Variants in PLP1 observed in about 807,000 individuals in gnomAD.
The protein encoded by PLP1 is myelin proteolipid protein.
A neutral mutation model predicts 18.5 loss-of-function variants in PLP1; 2 were observed. That is an observed-to-expected ratio of 0.11 (90% CI 0.04 to 0.34). The LOEUF is 0.34. PLP1 is among the 10% of genes least tolerant of loss of function. The pLI is 1.00. For synonymous variants in PLP1, 86 were observed against 83.2 expected (o/e 1.03, Z -0.19); for missense variants, 105 against 207.3 (o/e 0.51, Z 3.03).
At chrX:103,777,330 G>A (rs763449532) in intron 1 of PLP1, among the ~76,000 whole-genome samples, 26 of 111,310 alleles carry the variant, frequency 2.3e-4, no homozygotes, top group Non-Finnish European at 4.1e-4. Context: ...CCCTGGCAAC[G>A]GTTGGGTCAG....
At chrX:103,778,046 T>C (rs1326827892) in intron 1 of PLP1, among the ~76,000 whole-genome samples, 1 of 111,954 alleles carries the variant, frequency 8.9e-6, no homozygotes, top group Non-Finnish European at 1.9e-5. Flanking sequence ...CTTTGAAGCA[T>C]GTGTTCAGGT....
chrX:103,781,136 C>T (rs2074450335), intron 1 of PLP1: 1 of 232,043 alleles, frequency 4.3e-6, no homozygotes, highest in Admixed American at 4.9e-5. Context: ...AAAGCCCTTC[C>T]TCTCCTTCCT....
At chrX:103,787,522 T>C in intron 3 of PLP1, 1 of 417,189 alleles carries the variant, frequency 2.4e-6, no homozygotes, top group Non-Finnish European at 4.2e-6. Flanking sequence ...ACACCTTATC[T>C]GCCCAAAAAC....
At chrX:103,788,813 C>T (rs866753387) in intron 5 of PLP1, 7 of 341,830 alleles carry the variant, frequency 2.0e-5, no homozygotes, top group African/African-American at 1.3e-4. Flanking sequence ...AATTTTCATT[C>T]CTTTAGTTAA....
intron 6 of PLP1, 32 bp from the exon 7 acceptor site, chrX:103,790,495 C>G: frequency 9.3e-7 from 1 of 1,080,050 alleles, no homozygotes; most frequent in Non-Finnish European, 1.3e-6. Context: ...CTTTTCTACT[C>G]TCATTCACAT....
rs772313778 is a variant in PLP1, at chrX:103,785,543, A to C, written c.5-39A>C. 4 of 1,140,832 alleles carry C rather than the reference A, an allele frequency of 3.5e-6. No homozygotes were observed. The Admixed American group carries it at 6.5e-5, about 19-fold the overall frequency. 94.0% of individuals were successfully genotyped at this position (1,140,832 alleles called of 1,213,427 possible). On this transcript the variant is annotated intron_variant, in intron 1 of 6. Transcript: ENST00000621218. ...GGGGTTTGAGTGGCATGAGCTACCT[A>C]CTGGATGTGCCTGACTGTTTCCCCT...
chrX:103,784,754 C>A (rs2074480678), intron 1 of PLP1, among the ~76,000 whole-genome samples: 1 of 112,165 alleles, frequency 8.9e-6, no homozygotes, highest in South Asian at 3.7e-4. Flanking sequence ...TACTTGGCTG[C>A]CTGAATTGTT....
rs1053245384 is a variant in PLP1 at position 103,790,791 on chromosome X, T to C, written c.*193T>C. ...ACTCTCCCCTCTTATGTACCTCTTT[T>C]AGTCATTTTGCTTCATAGCTGGTTC... On this transcript the variant is annotated 3_prime_UTR_variant, in exon 7 of 7. Coordinates refer to ENST00000621218, the MANE Select transcript of PLP1 (RefSeq NM_000533.5). The C allele has an allele frequency of 1.3e-4, 61 of 454,296 alleles. No individual in the cohort carries two copies. The African/African-American group carries it at 1.4e-3, about 10-fold the overall frequency. 37.4% of individuals were successfully genotyped at this position (454,296 alleles called of 1,213,427 possible). A position where few individuals can be genotyped will look rare whatever the true frequency, so the allele number is the denominator to read the frequency against.
chrX:103,776,761 A>G (rs112198561), upstream of PLP1: 4 of 293,579 alleles, frequency 1.4e-5, no homozygotes, highest in African/African-American at 2.2e-4. Context: ...GGTGGGGAAA[A>G]GGGGAGGAGA....
intron 2 of PLP1, 176 bp downstream of exon 2, chrX:103,785,944 A>G: frequency 2.8e-6 from 2 of 709,265 alleles, no homozygotes; most frequent in Admixed American, 3.0e-5. Flanking sequence ...CCCATTCAGA[A>G]AGGAGGGGTC....
Position 103,789,390 on chromosome X carries a change from G to C in PLP1, c.754G>C (p.Val252Leu), listed in dbSNP as rs1468522729. ...AAFVGAAATL[V>L]SLLTFMIAAT... is the part of the protein sequence containing the mutation. ...ATTTGTGGGGGCTGCAGCTACACTG[G>C]TTTCCCTGGTGAGTTGACTTTGAAT... The change falls in exon 6 of 7, where the codon GTT becomes CTT. Residue 252 changes from valine to leucine, a missense_variant. Transcript: ENST00000621218. The C allele has an allele frequency of 1.7e-6, 2 of 1,200,127 alleles. No homozygotes were observed. Among genetic ancestry groups the C allele is most frequent in the Admixed American group, 2.2e-5 (1 of 46,029 alleles).
rs973903346 is a variant in PLP1 at position 103,786,591 on chromosome X, C to T, written c.318C>T (p.Thr106=). 2.5e-6 allele frequency: 3 copies of T among 1,211,712 alleles called. No homozygotes were observed. Among genetic ancestry groups the T allele is most frequent in the Non-Finnish European group, 3.4e-6 (3 of 895,456 alleles). Residue 106 remains threonine (T), a synonymous_variant, in exon 3 of 7, where the codon ACC becomes ACT. Coordinates refer to ENST00000621218, the MANE Select transcript of PLP1 (RefSeq NM_000533.5). ...AVRQIFGDYK[T]TICGKGLSAT... is the part of the protein sequence containing the mutation. Reference sequence around the variant, plus strand: ...GGCAGATCTTTGGCGACTACAAGACCACCATCTGCGGCAAGGGCCTGAGCG... The same window carrying T: ...GGCAGATCTTTGGCGACTACAAGACTACCATCTGCGGCAAGGGCCTGAGCG...
At position 103,776,858 on chromosome X, in the gene PLP1, GA is replaced by G. The variant is rs2074414608; in HGVS notation, c.-137del. ...GAAAGCCCTTTTCATTGCAGGAGAA[GA>G]GGACAAAGATACTCAGAGAGAAAAA... On this transcript the variant is annotated 5_prime_UTR_variant, in exon 1 of 7. Coordinates refer to ENST00000621218, the MANE Select transcript of PLP1 (RefSeq NM_000533.5). 1 of 609,386 alleles carries G rather than the reference GA, an allele frequency of 1.6e-6. No homozygotes were observed. Among genetic ancestry groups the G allele is most frequent in the African/African-American group, 2.3e-5 (1 of 44,182 alleles). The allele number at this position is 609,386 out of a possible 1,213,427, so 50.2% of individuals were successfully genotyped here. A position where few individuals can be genotyped will look rare whatever the true frequency, so the allele number is the denominator to read the frequency against.
rs2074516235 is a variant in PLP1 at position 103,788,339 on chromosome X, G to T, written c.623-98G>T. The T allele has an allele frequency of 7.7e-6, 5 of 651,059 alleles. No individual in the cohort carries two copies. The South Asian group carries it at 8.6e-5, about 11-fold the overall frequency. 53.7% of individuals were successfully genotyped at this position (651,059 alleles called of 1,213,427 possible). ...TTGGTAGAATCCAACTTTACAGCCA[G>T]GATAATTAGAGATGGAAGAAGGGCT... On this transcript the variant is annotated intron_variant, in intron 4 of 6. Transcript: ENST00000621218.
intron 5 of PLP1, chrX:103,789,129 G>A (rs1395727702): frequency 2.1e-6 from 1 of 471,570 alleles, no homozygotes; most frequent in South Asian, 3.0e-5. Flanking sequence ...ACTATTCTGT[G>A]ATCTGGGTGT....
Position 103,783,828 on chromosome X carries a change from C to A in PLP1, c.5-1754C>A, listed in dbSNP as rs147937097. Reference sequence around the variant, plus strand: ...ATACAATTTATTTTTATTGTACAAGCTGTCACAACCTGCTTATTCAAAAAT... The same window carrying A: ...ATACAATTTATTTTTATTGTACAAGATGTCACAACCTGCTTATTCAAAAAT... On this transcript the variant is annotated intron_variant, in intron 1 of 6. Coordinates refer to ENST00000621218, the MANE Select transcript of PLP1 (RefSeq NM_000533.5). Among the ~76,000 whole-genome samples the A allele has an allele frequency of 2.5e-3, 276 of 111,925 alleles. 2 individuals are homozygous for A. Among genetic ancestry groups the A allele is most frequent in the African/African-American group, 8.8e-3 (271 of 30,826 alleles).
chrX:103,779,530 G>A (rs2074435668), intron 1 of PLP1, among the ~76,000 whole-genome samples: 1 of 112,231 alleles, frequency 8.9e-6, no homozygotes, highest in Admixed American at 9.4e-5. Context: ...TGGAGACACT[G>A]ACTAAAATAA....
chrX:103,776,541 A>G (rs1392718422), upstream of PLP1: 1 of 137,091 alleles, frequency 7.3e-6, no homozygotes, highest in African/African-American at 3.2e-5. Flanking sequence ...TGCATATCCC[A>G]CACCAATTAG....
intron 1 of PLP1, among the ~76,000 whole-genome samples, chrX:103,778,363 C>T (rs193025011): frequency 2.7e-5 from 3 of 111,875 alleles, no homozygotes. Flanking sequence ...GTTTTCTTTG[C>T]GTGCTTGGGT....
Sources: allele counts gnomAD v4.1 joint callset (sites outside exome capture counted in the v4.1 genomes callset), GRCh38; gene constraint gnomAD v4.1.1; transcripts MANE v1.5; gene names NCBI Gene and HGNC (gene_info 2026-07-23, HGNC 2026-07-21).